Variants in RAPGEF2 observed in about 807,000 individuals in gnomAD.
RAPGEF2 encodes the protein PDZ domain containing guanine nucleotide exchange factor (GEF) 1.
Under a neutral mutation model 186.7 loss-of-function variants are expected in RAPGEF2, and 54 were observed. The observed-to-expected ratio is 0.29, with a 90% confidence interval of 0.23 to 0.36. RAPGEF2 has a LOEUF of 0.36. RAPGEF2 is among the 10% of genes least tolerant of loss of function. RAPGEF2 has a pLI of 1.00. For missense variants in RAPGEF2, 1,532 were observed against 2,045.0 expected, an observed-to-expected ratio of 0.75 and a Z score of 4.84; for synonymous variants, 712 against 705.9, an observed-to-expected ratio of 1.01 and a Z score of -0.14.
At chr4:159,238,167 G>A (rs1027405030) in intron 4 of RAPGEF2, among the ~76,000 whole-genome samples, 3 of 152,068 alleles carry the variant, frequency 2.0e-5, no homozygotes, top group Admixed American at 6.5e-5. Flanking sequence ...CATTCTTAAC[G>A]TGGGAATTCA....
At chr4:159,135,049 CCTTTTGTTTTTGAGACAGGAGTCT>C (rs1560998941) in intron 1 of RAPGEF2, among the ~76,000 whole-genome samples, 1 of 151,632 alleles carries the variant, frequency 6.6e-6, no homozygotes, top group African/African-American at 2.4e-5. Context: ...AATTTTTTTT[CCTTTTGTTTTTGAGACAGGAGTCT>C]CACTCCGTTG....
Position 159,345,109 on chromosome 4 carries a change from T to C in RAPGEF2, c.3282T>C (p.Ser1094=). The part of the protein sequence containing the change: ...TRKKKWRSLG[S]LSQGSTNATV... ...TATGTACCTTTTCATCTTCCAGGTC[T>C]CTCAGCCAGGGTAGTACAAATGCAA... Residue 1094 remains serine, a synonymous_variant, in exon 24 of 30, where the codon TCT becomes TCC. Transcript: ENST00000691494. The C allele has an allele frequency of 1.2e-6, 2 of 1,613,456 alleles. No homozygotes were observed. The highest frequency in any genetic ancestry group is 1.7e-6 in the Non-Finnish European group (2 of 1,179,398).
chr4:159,267,653 G>A, intron 7 of RAPGEF2: 1 of 695,422 alleles, frequency 1.4e-6, no homozygotes, highest in South Asian at 3.9e-5. Flanking sequence ...CTGTATGTGT[G>A]ATTGCAGATG....
intron 1 of RAPGEF2, among the ~76,000 whole-genome samples, chr4:159,153,079 A>G: frequency 6.6e-6 from 1 of 152,300 alleles, no homozygotes; most frequent in Middle Eastern, 3.4e-3. Context: ...GTCAGTTACT[A>G]TATTATTTCA....
intron 1 of RAPGEF2, among the ~76,000 whole-genome samples, chr4:159,169,682 T>G (rs1334148061): frequency 6.6e-6 from 1 of 152,202 alleles, no homozygotes; most frequent in African/African-American, 2.4e-5. Context: ...ACACAGTATT[T>G]GCCTTTGTAC....
At chr4:159,203,589 A>C (rs1177419826) in intron 3 of RAPGEF2, among the ~76,000 whole-genome samples, 1 of 152,208 alleles carries the variant, frequency 6.6e-6, no homozygotes, top group Non-Finnish European at 1.5e-5. Flanking sequence ...AAGAGAAAAT[A>C]TACTATTTAG....
chr4:159,218,542 G>A (rs1209225392), intron 4 of RAPGEF2, among the ~76,000 whole-genome samples: 1 of 152,116 alleles, frequency 6.6e-6, no homozygotes, highest in Non-Finnish European at 1.5e-5. Flanking sequence ...GATCACCTGA[G>A]GTCAGGAGTT....
intron 7 of RAPGEF2, among the ~76,000 whole-genome samples, chr4:159,257,312 A>G (rs1468499302): frequency 6.6e-6 from 1 of 152,198 alleles, no homozygotes; most frequent in African/African-American, 2.4e-5. Flanking sequence ...GGGAAACCTC[A>G]CAATCATGGC....
rs1406414078 is a variant in RAPGEF2 at position 159,104,540 on chromosome 4, G to C, written c.69+309G>C. Among the ~76,000 whole-genome samples the C allele has an allele frequency of 1.9e-4, 24 of 128,272 alleles. No individual in the cohort carries two copies. The East Asian group carries it at 2.4e-3, about 13-fold the overall frequency. The allele number at this position is 128,272 out of a possible 152,430, so 84.2% of individuals were successfully genotyped here. A position where few individuals can be genotyped will look rare whatever the true frequency, so the allele number is the denominator to read the frequency against. On this transcript the variant is annotated intron_variant, in intron 1 of 29. Transcript: ENST00000691494. ...AGAGAGAGAGAGGGAGAGACAGAGA[G>C]AGAGAGAGAGAGAGTGTGTGTGTGT...
At chr4:159,303,561 C>T (rs993707979) in intron 7 of RAPGEF2, among the ~76,000 whole-genome samples, 3 of 151,566 alleles carry the variant, frequency 2.0e-5, no homozygotes, top group East Asian at 1.9e-4. Flanking sequence ...AAGAACCTTA[C>T]ATCTGTTTTC....
rs189087526 is a variant in RAPGEF2, at chr4:159,249,223, A to G, written c.543+5432A>G. Among the ~76,000 whole-genome samples the G allele has an allele frequency of 5.6e-5, 8 of 143,028 alleles. No homozygotes were observed. In the East Asian group the frequency reaches 1.4e-3, roughly 25 times the overall value. 93.8% of individuals were successfully genotyped at this position (143,028 alleles called of 152,430 possible). A position where few individuals can be genotyped will look rare whatever the true frequency, so the allele number is the denominator to read the frequency against. ...ATCTTCGACTGTTTCATTTCTTATC[A>G]TGTGATTTTTTTTTTTGTCATGAGA... is the stretch of plus-strand genomic sequence containing the variant. On this transcript the variant is annotated intron_variant, in intron 7 of 29. Transcript: ENST00000691494.
chr4:159,241,959 T>C (rs537951029), intron 6 of RAPGEF2, among the ~76,000 whole-genome samples: 2 of 152,164 alleles, frequency 1.3e-5, no homozygotes, highest in Non-Finnish European at 2.9e-5. Context: ...TTTTAAAATC[T>C]CAATGTAAAG....
intron 25 of RAPGEF2, among the ~76,000 whole-genome samples, chr4:159,347,652 C>T (rs1348419235): frequency 1.3e-5 from 2 of 152,116 alleles, no homozygotes; most frequent in Admixed American, 6.6e-5. Flanking sequence ...GGCGTGGTGG[C>T]GGGCGCCTGT....
At chr4:159,277,759 T>C (rs1230015845) in intron 7 of RAPGEF2, among the ~76,000 whole-genome samples, 1 of 152,218 alleles carries the variant, frequency 6.6e-6, no homozygotes, top group African/African-American at 2.4e-5. Context: ...CTTTGCCCGC[T>C]TTTTTATGGG....
intron 7 of RAPGEF2, among the ~76,000 whole-genome samples, chr4:159,262,094 G>A (rs1756940892): frequency 6.6e-6 from 1 of 152,178 alleles, no homozygotes; most frequent in Admixed American, 6.5e-5. Context: ...TAACAGGTTA[G>A]TTTTGAAGTT....
chr4:159,236,165 G>C (rs914059629), intron 4 of RAPGEF2, among the ~76,000 whole-genome samples: 1 of 152,294 alleles, frequency 6.6e-6, no homozygotes, highest in Middle Eastern at 3.4e-3. Context: ...AGTTTCTCCT[G>C]TTCACATCTT....
At chr4:159,309,897 T>G (rs988595389) in intron 8 of RAPGEF2, among the ~76,000 whole-genome samples, 2 of 152,052 alleles carry the variant, frequency 1.3e-5, no homozygotes, top group Non-Finnish European at 2.9e-5. Context: ...CAATAAATGG[T>G]CTTTGGGGTT....
intron 2 of RAPGEF2, among the ~76,000 whole-genome samples, chr4:159,191,664 G>A (rs548984351): frequency 1.3e-5 from 2 of 152,192 alleles, no homozygotes; most frequent in Admixed American, 6.5e-5. Context: ...GCTTGAACCC[G>A]GGAGGTGGAG....
At chr4:159,183,180 C>T (rs1194023360) in intron 1 of RAPGEF2, among the ~76,000 whole-genome samples, 1 of 152,160 alleles carries the variant, frequency 6.6e-6, no homozygotes, top group Non-Finnish European at 1.5e-5. Flanking sequence ...AACTTAACTA[C>T]CAAAGCTGCC....
Sources: gnomAD v4.1 joint callset for allele counts (sites outside exome capture counted in the v4.1 genomes callset) on GRCh38, gnomAD v4.1.1 for gene constraint, MANE v1.5 for transcripts, NCBI Gene and HGNC (gene_info 2026-07-23, HGNC 2026-07-21) for gene names.